Variants in TSNARE1 observed in about 807,000 individuals in gnomAD.
The protein encoded by TSNARE1 is t-SNARE domain-containing protein 1.
In TSNARE1, 49 loss-of-function variants were observed where a neutral mutation model predicts 62.0. That is an observed-to-expected ratio of 0.79 (90% CI 0.63 to 1.00). TSNARE1 has a LOEUF of 1.00. Among genes scored for constraint, TSNARE1 ranks in the 50% least tolerant of loss-of-function variants. TSNARE1 has a pLI of 0.00. For synonymous variants in TSNARE1, 328 were observed against 294.4 expected (o/e 1.11, Z -1.17); for missense variants, 755 against 700.1 (o/e 1.08, Z -0.88).
intron 12 of TSNARE1, among the ~76,000 whole-genome samples, chr8:142,257,811 G>A (rs904031415): frequency 3.9e-5 from 6 of 152,096 alleles, no homozygotes; most frequent in South Asian, 2.1e-4. Context: ...AGATCCAGCC[G>A]CCTCCGGGAG....
chr8:142,233,773 C>T (rs1215807649), intron 12 of TSNARE1, among the ~76,000 whole-genome samples: 2 of 152,192 alleles, frequency 1.3e-5, no homozygotes, highest in Non-Finnish European at 2.9e-5. Flanking sequence ...CCTCTGCCTG[C>T]TGGCTCTTCA....
At chr8:142,241,805 A>G (rs1483378512) in intron 12 of TSNARE1, among the ~76,000 whole-genome samples, 1 of 152,256 alleles carries the variant, frequency 6.6e-6, no homozygotes, top group Non-Finnish European at 1.5e-5. Flanking sequence ...ATCTACACAC[A>G]GAAGAGTAAA....
intron 1 of TSNARE1, among the ~76,000 whole-genome samples, chr8:142,378,075 C>A (rs567727380): frequency 6.6e-6 from 1 of 152,322 alleles, no homozygotes; most frequent in Admixed American, 6.5e-5. Flanking sequence ...GCCACTGACA[C>A]CCCCAAGCAC....
At chr8:142,274,726 G>A (rs1205446140) in intron 12 of TSNARE1, 55 bp downstream of exon 12, 27 of 1,437,492 alleles carry the variant, frequency 1.9e-5, no homozygotes, top group Non-Finnish European at 2.2e-5. Flanking sequence ...GAGGGTTGGA[G>A]GATAGGGGAC....
chr8:142,327,662 T>C (rs1288988648), intron 6 of TSNARE1, among the ~76,000 whole-genome samples: 1 of 152,198 alleles, frequency 6.6e-6, no homozygotes, highest in African/African-American at 2.4e-5. Flanking sequence ...ACCGCACACA[T>C]GGATCATGGT....
intron 12 of TSNARE1, among the ~76,000 whole-genome samples, chr8:142,253,212 G>A (rs977306070): frequency 4.6e-5 from 7 of 152,228 alleles, no homozygotes; most frequent in Non-Finnish European, 7.4e-5. Flanking sequence ...GAGGAGGGCC[G>A]GTAGCCGTGG....
At chr8:142,245,060 TA>T (rs1164347251) in intron 12 of TSNARE1, among the ~76,000 whole-genome samples, 4 of 152,270 alleles carry the variant, frequency 2.6e-5, no homozygotes, top group Non-Finnish European at 5.9e-5. Context: ...AAAACACAAA[TA>T]CAAACACATG....
At chr8:142,256,297 CCCA>C (rs1281806251) in intron 12 of TSNARE1, among the ~76,000 whole-genome samples, 5 of 50,304 alleles carry the variant, frequency 9.9e-5, no homozygotes, top group Admixed American at 2.0e-4. Context: ...CATCACCACA[CCCA>C]CCACCACCAT....
intron 12 of TSNARE1, among the ~76,000 whole-genome samples, chr8:142,249,005 A>T (rs1818023912): frequency 6.6e-6 from 1 of 152,212 alleles, no homozygotes; most frequent in African/African-American, 2.4e-5. Context: ...CTTGGGCAGG[A>T]CATCCACCTC....
intron 10 of TSNARE1, among the ~76,000 whole-genome samples, chr8:142,293,424 G>C (rs555786649): frequency 6.6e-6 from 1 of 152,230 alleles, no homozygotes; most frequent in Non-Finnish European, 1.5e-5. Context: ...CTGAGTTCTC[G>C]CCAGGCAGTT....
At chr8:142,351,890 A>C (rs191072467) in intron 2 of TSNARE1, among the ~76,000 whole-genome samples, 87 of 152,146 alleles carry the variant, frequency 5.7e-4, no homozygotes, top group African/African-American at 2.0e-3. Context: ...TCCCCTCCAC[A>C]CTCACCCCAC....
intron 1 of TSNARE1, among the ~76,000 whole-genome samples, chr8:142,368,440 G>A (rs187601602): frequency 5.4e-5 from 8 of 148,684 alleles, no homozygotes; most frequent in East Asian, 4.2e-4. Flanking sequence ...AGTGCTGCCC[G>A]AACCTAACAA....
intron 7 of TSNARE1, among the ~76,000 whole-genome samples, chr8:142,318,072 G>A (rs753803314): frequency 6.6e-6 from 1 of 152,194 alleles, no homozygotes; most frequent in Non-Finnish European, 1.5e-5. Flanking sequence ...CCACTGCCAC[G>A]GCCATATGTC....
At chr8:142,386,218 T>C (rs372870432) in intron 1 of TSNARE1, among the ~76,000 whole-genome samples, 1 of 152,204 alleles carries the variant, frequency 6.6e-6, no homozygotes, top group Non-Finnish European at 1.5e-5. Flanking sequence ...CATGACATGA[T>C]CACAGGTGTT....
chr8:142,373,968 G>C (rs1256260635), intron 1 of TSNARE1, among the ~76,000 whole-genome samples: 1 of 152,176 alleles, frequency 6.6e-6, no homozygotes, highest in East Asian at 1.9e-4. Flanking sequence ...GTGGAGCAAA[G>C]GGGAAGTCTC....
chr8:142,309,025 T>C (rs1403225767), intron 9 of TSNARE1, among the ~76,000 whole-genome samples: 2 of 152,338 alleles, frequency 1.3e-5, no homozygotes, highest in East Asian at 1.9e-4. Context: ...CCGCTCTTCA[T>C]AGAATTTTTT....
intron 12 of TSNARE1, among the ~76,000 whole-genome samples, chr8:142,257,298 C>A (rs1178927096): frequency 6.6e-6 from 1 of 152,178 alleles, no homozygotes; most frequent in Non-Finnish European, 1.5e-5. Flanking sequence ...GCAGATTGGA[C>A]AGGACAAGGT....
chr8:142,276,194 G>A (rs1820455126), intron 11 of TSNARE1: 1 of 985,474 alleles, frequency 1.0e-6, no homozygotes, highest in Non-Finnish European at 1.2e-6. Flanking sequence ...CCAAAGCCCA[G>A]AGAGCGGGTA....
intron 9 of TSNARE1, among the ~76,000 whole-genome samples, chr8:142,305,340 G>C (rs1173272433): frequency 1.3e-5 from 2 of 152,084 alleles, no homozygotes; most frequent in African/African-American, 4.8e-5. Flanking sequence ...GGATAGGGGA[G>C]GGCGCAGGGG....
Sources: gnomAD v4.1 joint callset for allele counts (sites outside exome capture counted in the v4.1 genomes callset) on GRCh38, gnomAD v4.1.1 for gene constraint, MANE v1.5 for transcripts, NCBI Gene and HGNC (gene_info 2026-07-23, HGNC 2026-07-21) for gene names.